TINAG: variants seen among roughly 807,000 people sequenced by gnomAD.
The protein encoded by TINAG is tubulointerstitial nephritis antigen.
Under a neutral mutation model 72.7 loss-of-function variants are expected in TINAG, and 83 were observed. That is an observed-to-expected ratio of 1.14 (90% CI 0.96 to 1.37). The LOEUF (loss-of-function observed/expected upper bound fraction) is 1.37. Among genes scored for constraint, TINAG ranks in the 40% most tolerant of loss-of-function variants. The pLI is 0.00. For missense variants in TINAG, 685 were observed against 576.6 expected (o/e 1.19, Z -1.93); for synonymous variants, 234 against 189.9 (o/e 1.23, Z -1.91).
At chr6:54,362,629 A>G (rs1763274281) in intron 9 of TINAG, among the ~76,000 whole-genome samples, 1 of 151,634 alleles carries the variant, frequency 6.6e-6, no homozygotes, top group Non-Finnish European at 1.5e-5. Context: ...GGTAATTTCT[A>G]CTTTCAAGTG....
chr6:54,355,091 A>G (rs1285311990), intron 9 of TINAG, among the ~76,000 whole-genome samples: 8 of 151,920 alleles, frequency 5.3e-5, no homozygotes, highest in Admixed American at 5.3e-4. Context: ...AGATTGATCA[A>G]TTTTTAAGTA....
chr6:54,363,360 G>T (rs1185010813), intron 9 of TINAG, among the ~76,000 whole-genome samples: 1 of 151,482 alleles, frequency 6.6e-6, no homozygotes, highest in East Asian at 1.9e-4. Context: ...TTTCTGTATT[G>T]CAAGTAAAAG....
chr6:54,373,921 T>C (rs1763702984), intron 9 of TINAG, among the ~76,000 whole-genome samples: 1 of 152,160 alleles, frequency 6.6e-6, no homozygotes. Context: ...TCATGATATA[T>C]GATTTTGGTC....
intron 9 of TINAG, among the ~76,000 whole-genome samples, chr6:54,360,839 G>GTTTTTTTTTT (rs773926586): frequency 4.1e-4 from 7 of 16,922 alleles, no homozygotes; most frequent in African/African-American, 6.7e-4. Flanking sequence ...CACAGATACT[G>GTTTTTTTTTT]TGTTTTTTTT....
At chr6:54,351,156 A>T (rs1785256115) in intron 7 of TINAG, among the ~76,000 whole-genome samples, 196 bp from the exon 8 acceptor site, 1 of 152,048 alleles carries the variant, frequency 6.6e-6, no homozygotes, top group South Asian at 2.1e-4. Flanking sequence ...CTCCAAATTT[A>T]CTATTTAGTG....
chr6:54,310,510 T>A, intron 1 of TINAG, among the ~76,000 whole-genome samples: 1 of 150,796 alleles, frequency 6.6e-6, no homozygotes, highest in Non-Finnish European at 1.5e-5. Flanking sequence ...TTCTTTCTCT[T>A]TCTTTCTTTT....
At chr6:54,385,032 T>C (rs888909755) in intron 10 of TINAG, among the ~76,000 whole-genome samples, 19 of 152,100 alleles carry the variant, frequency 1.2e-4, no homozygotes, top group Non-Finnish European at 1.8e-4. Context: ...CTGAATGTAA[T>C]AGAAAATGCA....
chr6:54,328,337 G>A (rs903916302), intron 4 of TINAG, among the ~76,000 whole-genome samples: 2 of 152,138 alleles, frequency 1.3e-5, no homozygotes, highest in Non-Finnish European at 2.9e-5. Flanking sequence ...AAGATCTGGA[G>A]TGGACCTCTA....
chr6:54,368,550 A>AT (rs1041854054), intron 9 of TINAG, among the ~76,000 whole-genome samples: 34 of 151,176 alleles, frequency 2.2e-4, no homozygotes, highest in African/African-American at 8.0e-4. Flanking sequence ...AATGCATTTT[A>AT]TTGCTTATTA....
intron 7 of TINAG, among the ~76,000 whole-genome samples, chr6:54,350,562 C>T (rs1480650115): frequency 6.6e-6 from 1 of 150,660 alleles, no homozygotes; most frequent in African/African-American, 2.4e-5. Flanking sequence ...TAGAACTAGT[C>T]TCTTTTCCCC....
chr6:54,335,090 A>C (rs1784829421), intron 4 of TINAG, among the ~76,000 whole-genome samples: 1 of 152,192 alleles, frequency 6.6e-6, no homozygotes, highest in Admixed American at 6.5e-5. Context: ...TGGGCCACAC[A>C]CTCACTTATG....
intron 1 of TINAG, 106 bp downstream of exon 1, chr6:54,309,011 G>GA: frequency 2.9e-6 from 3 of 1,030,160 alleles, no homozygotes; most frequent in East Asian, 2.4e-5. Context: ...TCAATGAAAT[G>GA]AAAATGATTA....
chr6:54,358,385 G>A (rs1322725289), intron 9 of TINAG, among the ~76,000 whole-genome samples: 1 of 151,716 alleles, frequency 6.6e-6, no homozygotes, highest in Non-Finnish European at 1.5e-5. Flanking sequence ...TATTTACTGA[G>A]GTAGCCAAAC....
intron 1 of TINAG, among the ~76,000 whole-genome samples, chr6:54,313,379 C>T (rs1305108031): frequency 6.6e-6 from 1 of 152,108 alleles, no homozygotes; most frequent in Non-Finnish European, 1.5e-5. Flanking sequence ...CCTCACAGAA[C>T]CTGCACATAG....
At chr6:54,316,977 T>A (rs1281535476) in intron 1 of TINAG, among the ~76,000 whole-genome samples, 1 of 152,198 alleles carries the variant, frequency 6.6e-6, no homozygotes, top group Non-Finnish European at 1.5e-5. Flanking sequence ...GTCATTAGTT[T>A]TGGCTTTGTT....
intron 1 of TINAG, among the ~76,000 whole-genome samples, chr6:54,312,198 A>G (rs1784275283): frequency 6.6e-6 from 1 of 152,052 alleles, no homozygotes; most frequent in South Asian, 2.1e-4. Flanking sequence ...AGCTGGGACT[A>G]CAGGTGCCTA....
At chr6:54,355,536 A>G (rs975264699) in intron 9 of TINAG, among the ~76,000 whole-genome samples, 1 of 151,876 alleles carries the variant, frequency 6.6e-6, no homozygotes, top group Non-Finnish European at 1.5e-5. Flanking sequence ...TCCTTCCTTT[A>G]TTTTAAATAC....
chr6:54,310,815 CCT>C lies in TINAG; in HGVS notation c.355+1913_355+1914del, dbSNP rs377345960. Among the ~76,000 whole-genome samples, 1,236 of 138,532 alleles carry C rather than the reference CCT, an allele frequency of 8.9e-3. 36 individuals are homozygous for C. Among genetic ancestry groups the C allele is most frequent in the East Asian group, 0.06 (279 of 4,626 alleles). The allele number at this position is 138,532 out of a possible 152,430, so 90.9% of individuals were successfully genotyped here. On this transcript the variant is annotated intron_variant, in intron 1 of 10. Coordinates refer to ENST00000259782, the MANE Select transcript of TINAG (RefSeq NM_014464.4). ...TCTTTTTTCTCTCTCTCTTTCTCTC[CCT>C]CTTTCTTTCTCTTTCTTTTTTCTCT...
chr6:54,386,044 A>G (rs1300778644), intron 10 of TINAG, among the ~76,000 whole-genome samples: 4 of 151,840 alleles, frequency 2.6e-5, no homozygotes. Context: ...GACACCCGCC[A>G]CCACACCTGG....
Sources: gnomAD v4.1 joint callset for allele counts (sites outside exome capture counted in the v4.1 genomes callset) on GRCh38, gnomAD v4.1.1 for gene constraint, MANE v1.5 for transcripts, NCBI Gene and HGNC (gene_info 2026-07-23, HGNC 2026-07-21) for gene names.